IGFBP2: variants seen among roughly 807,000 people sequenced by gnomAD.
IGFBP2 encodes insulin-like growth factor-binding protein 2.
In IGFBP2, 12 loss-of-function variants were observed where a neutral mutation model predicts 26.2. That is an observed-to-expected ratio of 0.46 (90% CI 0.29 to 0.74). The LOEUF is 0.74. Among genes scored for constraint, IGFBP2 ranks in the 30% least tolerant of loss-of-function variants. The pLI is 0.09. For synonymous variants in IGFBP2, 189 were observed against 200.6 expected, an observed-to-expected ratio of 0.94 and a Z score of 0.49; for missense variants, 328 against 441.2, an observed-to-expected ratio of 0.74 and a Z score of 2.30.
At chr2:216,638,111 C>T (rs1003068445) in intron 1 of IGFBP2, among the ~76,000 whole-genome samples, 3 of 151,736 alleles carry the variant, frequency 2.0e-5, no homozygotes, top group African/African-American at 7.3e-5. Context: ...TTGCTTGAAC[C>T]CGGGAGGTGG....
intron 1 of IGFBP2, among the ~76,000 whole-genome samples, chr2:216,657,634 G>A (rs1009833991): frequency 6.6e-6 from 1 of 151,914 alleles, no homozygotes; most frequent in East Asian, 2.0e-4. Context: ...ATGTGGAGGA[G>A]CACAGAGGGC....
chr2:216,657,641 G>A (rs1388296281), intron 1 of IGFBP2, among the ~76,000 whole-genome samples: 2 of 152,208 alleles, frequency 1.3e-5, no homozygotes, highest in African/African-American at 4.8e-5. Flanking sequence ...GGAGCACAGA[G>A]GGCAGGGCAG....
At chr2:216,661,527 A>G in intron 2 of IGFBP2, 1 of 407,692 alleles carries the variant, frequency 2.5e-6, no homozygotes, top group East Asian at 5.7e-5. Context: ...GAGCTTGGGC[A>G]TGGGGTGGGG....
intron 1 of IGFBP2, among the ~76,000 whole-genome samples, chr2:216,647,515 TATTTATTTA>T: frequency 6.6e-6 from 1 of 152,102 alleles, no homozygotes; most frequent in African/African-American, 2.4e-5. Flanking sequence ...AATTTTTATT[TATTTATTTA>T]TTTTATTTAT....
At chr2:216,635,117 C>T (rs555537351) in intron 1 of IGFBP2, among the ~76,000 whole-genome samples, 1 of 152,040 alleles carries the variant, frequency 6.6e-6, no homozygotes, top group Admixed American at 6.6e-5. Flanking sequence ...ACCCCATGCA[C>T]CAACCCGCCT....
intron 1 of IGFBP2, among the ~76,000 whole-genome samples, chr2:216,640,181 T>C (rs533002361): frequency 6.6e-6 from 1 of 152,178 alleles, no homozygotes; most frequent in Non-Finnish European, 1.5e-5. Context: ...GAAAATATAG[T>C]GGTCTCAGCC....
At chr2:216,644,187 C>T (rs569589068) in intron 1 of IGFBP2, among the ~76,000 whole-genome samples, 9 of 132,050 alleles carry the variant, frequency 6.8e-5, no homozygotes, top group South Asian at 2.4e-4. Context: ...TTTCTGTGGG[C>T]GGGGGGAGGG....
intron 2 of IGFBP2, chr2:216,661,585 C>A (rs1182338433): frequency 5.6e-6 from 3 of 533,420 alleles, no homozygotes; most frequent in Admixed American, 2.9e-5. Flanking sequence ...GGAGGCAGAG[C>A]CCATTCTGAC....
rs200421058 is a variant in IGFBP2 at position 216,660,646 on chromosome 2, C to T, written c.532C>T (p.Arg178Trp). Reference protein sequence around the residue: ...NMLGGGGSAGRKPLKSGMKEL... With the variant: ...NMLGGGGSAGWKPLKSGMKEL... ...GTTGGGCGGGGGAGGCAGTGCTGGC[C>T]GGAAGCCCCTCAAGTCGGGTATGAA... Residue 178 changes from arginine (R) to tryptophan (W), a missense_variant, in exon 2 of 4, where the codon CGG (arginine) becomes TGG (tryptophan). Physicochemically the swap from Arg to Trp is moderately radical, Grantham distance 101. Coordinates refer to ENST00000233809, the MANE Select transcript of IGFBP2 (RefSeq NM_000597.3). 113 of 1,613,974 alleles carry T rather than the reference C, an allele frequency of 7.0e-5. No homozygotes were observed. Among genetic ancestry groups the T allele is most frequent in the East Asian group, 4.0e-4 (18 of 44,884 alleles).
intron 2 of IGFBP2, chr2:216,661,654 T>C (rs1461511454): frequency 3.1e-6 from 2 of 649,414 alleles, no homozygotes; most frequent in Admixed American, 4.4e-5. Flanking sequence ...CCATACAATT[T>C]TCTTTAGGGG....
chr2:216,652,473 G>T (rs539126062), intron 1 of IGFBP2, among the ~76,000 whole-genome samples: 37 of 152,284 alleles, frequency 2.4e-4, no homozygotes, highest in African/African-American at 8.4e-4. Context: ...ACCGCGCCCC[G>T]CCCCTTAGCA....
chr2:216,638,849 G>C (rs1173676443), intron 1 of IGFBP2, among the ~76,000 whole-genome samples: 5 of 134,702 alleles, frequency 3.7e-5, no homozygotes, highest in East Asian at 4.8e-4. Flanking sequence ...ACAGGCACCT[G>C]CCACCACGCC....
At chr2:216,634,127 G>C (rs2106184867) in intron 1 of IGFBP2, among the ~76,000 whole-genome samples, 162 bp downstream of exon 1, 1 of 152,354 alleles carries the variant, frequency 6.6e-6, no homozygotes. Flanking sequence ...CAGGCCCGGG[G>C]AGGGGAACTG....
chr2:216,645,803 T>C (rs1430168470), intron 1 of IGFBP2, among the ~76,000 whole-genome samples: 2 of 152,124 alleles, frequency 1.3e-5, no homozygotes, highest in East Asian at 3.9e-4. Context: ...GAGGAGTCAA[T>C]GGTTGAGAGT....
chr2:216,645,727 T>C (rs979142684), intron 1 of IGFBP2, among the ~76,000 whole-genome samples: 4 of 152,224 alleles, frequency 2.6e-5, no homozygotes, highest in East Asian at 3.8e-4. Flanking sequence ...GTGTGACTTA[T>C]TCCCTTGAGT....
Position 216,633,968 on chromosome 2 carries a change from A to G in IGFBP2, c.442+3A>G. 6.3e-7 allele frequency: 1 copy of G among 1,596,192 alleles called. No individual in the cohort carries two copies. Among genetic ancestry groups the G allele is most frequent in the Non-Finnish European group, 8.5e-7 (1 of 1,172,486 alleles). ...CGCCAGCCCGGAGCAGGTTGCAGGT[A>G]ACGCGGTCTGGAACAAGTAGTTGGG... On this transcript the variant is annotated splice_donor_region_variant and intron_variant, in intron 1 of 3. Coordinates refer to ENST00000233809, the MANE Select transcript of IGFBP2 (RefSeq NM_000597.3).
At chr2:216,641,636 A>G (rs569284100) in intron 1 of IGFBP2, among the ~76,000 whole-genome samples, 1 of 152,162 alleles carries the variant, frequency 6.6e-6, no homozygotes, top group South Asian at 2.1e-4. Context: ...AATGCAACTG[A>G]TAAGTGCATT....
In IGFBP2 at chr2:216,661,187, C is replaced by G. The variant is rs959536160; in HGVS notation, c.672+401C>G. The G allele has an allele frequency of 1.1e-5, 3 of 278,082 alleles. 1 individual carries two copies. Among genetic ancestry groups the G allele is most frequent in the Non-Finnish European group, 2.1e-5 (3 of 145,008 alleles). The allele number at this position is 278,082 out of a possible 1,614,324, so 17.2% of individuals were successfully genotyped here. A position where few individuals can be genotyped will look rare whatever the true frequency, so the allele number is the denominator to read the frequency against. ...GTGCCATCACACCTCACTGCTGCCT[C>G]CAACTCCTGGGCTCAAGTGATCCTC... On this transcript the variant is annotated intron_variant, in intron 2 of 3. Transcript: ENST00000233809.
intron 1 of IGFBP2, among the ~76,000 whole-genome samples, chr2:216,650,117 A>T (rs566029702): frequency 1.3e-5 from 2 of 152,192 alleles, no homozygotes; most frequent in African/African-American, 4.8e-5. Flanking sequence ...GGGCCTGGCA[A>T]TGCCAGAGCT....
Sources: allele counts gnomAD v4.1 joint callset (sites outside exome capture counted in the v4.1 genomes callset), GRCh38; gene constraint gnomAD v4.1.1; transcripts MANE v1.5; gene names NCBI Gene and HGNC (gene_info 2026-07-23, HGNC 2026-07-21).